PTPRN2: variants seen among roughly 807,000 people sequenced by gnomAD.
The protein encoded by PTPRN2 is protein tyrosine phosphatase receptor type N2.
In PTPRN2, 74 loss-of-function variants were observed where a neutral mutation model predicts 118.8. The ratio of observed to expected loss-of-function variants is 0.62; its 90% CI spans 0.52 to 0.76. PTPRN2 has a LOEUF of 0.76. Ranked by LOEUF, PTPRN2 falls within the 30% of genes least tolerant of loss-of-function variation. PTPRN2 has a pLI of 0.00. For synonymous variants in PTPRN2, 641 were observed against 608.0 expected, an observed-to-expected ratio of 1.05 and a Z score of -0.80; for missense variants, 1,481 against 1,394.4, an observed-to-expected ratio of 1.06 and a Z score of -0.99.
chr7:157,961,790 A>C (rs7801805), intron 11 of PTPRN2, among the ~76,000 whole-genome samples: 38,396 of 152,210 alleles, frequency 0.25, 5,099 homozygotes, highest in Middle Eastern at 0.33. Flanking sequence ...AAGGCACTAA[A>C]CACATGTGTC....
At position 157,831,177 on chromosome 7, in the gene PTPRN2, C is replaced by T. The variant is rs1807536999; in HGVS notation, c.1788+67496G>A. ...GGAAGAGGGACTCCTTGCTGTGAGC[C>T]CAGCTGTGGGGAGGAACTGCTCGGG... On this transcript the variant is annotated intron_variant, in intron 12 of 22. Coordinates refer to ENST00000389418, the MANE Select transcript of PTPRN2 (RefSeq NM_002847.5). The surrounding 1 kb of genome is among the most constrained non-coding windows in gnomAD (Gnocchi z 4.8). 6.6e-6 allele frequency among the ~76,000 whole-genome samples: 1 copy of T among 152,130 alleles called. No homozygotes were observed. Among genetic ancestry groups the T allele is most frequent in the Admixed American group, 6.5e-5 (1 of 15,282 alleles).
chr7:158,445,582 G>A (rs773728295), intron 2 of PTPRN2, among the ~76,000 whole-genome samples: 1 of 152,196 alleles, frequency 6.6e-6, no homozygotes, highest in African/African-American at 2.4e-5. Flanking sequence ...CCCACCCCTC[G>A]CCTCTGCCCC....
intron 3 of PTPRN2, among the ~76,000 whole-genome samples, chr7:158,272,950 GT>G (rs1041724515): frequency 1.3e-5 from 2 of 152,190 alleles, no homozygotes; most frequent in African/African-American, 4.8e-5. Flanking sequence ...CAGTCCCACG[GT>G]TTGGGACTCT....
chr7:157,717,461 C>A (rs1302106848), intron 12 of PTPRN2, among the ~76,000 whole-genome samples: 3 of 152,268 alleles, frequency 2.0e-5, no homozygotes, highest in Non-Finnish European at 2.9e-5. Context: ...CTGACTTAGT[C>A]AAAGGCTAAG....
intron 12 of PTPRN2, among the ~76,000 whole-genome samples, chr7:157,840,473 C>T (rs560824847): frequency 1.3e-5 from 2 of 149,932 alleles, no homozygotes; most frequent in South Asian, 4.3e-4. Context: ...ACTGTGTGGC[C>T]ACGTGTGACT....
chr7:158,264,298 C>T (rs1402069168), intron 3 of PTPRN2, among the ~76,000 whole-genome samples: 2 of 152,188 alleles, frequency 1.3e-5, no homozygotes, highest in South Asian at 2.1e-4. Context: ...TGCACTGAGA[C>T]GCTGGCACAC....
chr7:158,512,477 G>T (rs1226561768), intron 1 of PTPRN2, among the ~76,000 whole-genome samples: 2 of 152,006 alleles, frequency 1.3e-5, no homozygotes, highest in East Asian at 3.9e-4. Flanking sequence ...AGATACAGAT[G>T]GTAACAGAAA....
At chr7:158,558,416 AG>A in intron 1 of PTPRN2, among the ~76,000 whole-genome samples, 1 of 152,310 alleles carries the variant, frequency 6.6e-6, no homozygotes, top group Non-Finnish European at 1.5e-5. Context: ...CTGAGGCCGC[AG>A]GGTGCAGCTT....
intron 1 of PTPRN2, among the ~76,000 whole-genome samples, chr7:158,497,526 G>T (rs966976795): frequency 6.6e-6 from 1 of 152,086 alleles, no homozygotes; most frequent in South Asian, 2.1e-4. Context: ...GCAGAGGAGG[G>T]TCCACAGCCA....
chr7:158,155,947 T>C (rs75759217), intron 6 of PTPRN2, among the ~76,000 whole-genome samples: 159 of 152,314 alleles, frequency 1.0e-3, no homozygotes, highest in African/African-American at 3.8e-3. Context: ...AGGAGCTCAT[T>C]ATCGCATTCT....
rs112817323 is a variant in PTPRN2 at position 158,386,137 on chromosome 7, C to A, written c.164-69205G>T. Among the ~76,000 whole-genome samples the A allele has an allele frequency of 7.8e-4, 99 of 126,214 alleles. 13 individuals carry two copies. The highest frequency in any genetic ancestry group is 4.2e-3 in the African/African-American group (93 of 22,104). The allele number at this position is 126,214 out of a possible 152,430, so 82.8% of individuals were successfully genotyped here. On this transcript the variant is annotated intron_variant, in intron 2 of 22. Coordinates refer to ENST00000389418, the MANE Select transcript of PTPRN2 (RefSeq NM_002847.5). ...GCCCAGAGTCCCTCCTCCCATGCCC[C>A]AAGTCCCTCCTCCCATGCCCTGAGT... is the stretch of plus-strand genomic sequence containing the variant.
chr7:158,326,544 C>A (rs978248739), intron 2 of PTPRN2, among the ~76,000 whole-genome samples: 1 of 152,260 alleles, frequency 6.6e-6, no homozygotes, highest in African/African-American at 2.4e-5. Context: ...TGCAGACACA[C>A]AACCACATAA....
chr7:158,157,304 C>G (rs537446743), intron 6 of PTPRN2, among the ~76,000 whole-genome samples: 1 of 150,550 alleles, frequency 6.6e-6, no homozygotes, highest in South Asian at 2.1e-4. Context: ...CCTAGTCAGA[C>G]AGAGGCAAAT....
intron 3 of PTPRN2, among the ~76,000 whole-genome samples, chr7:158,254,950 G>T (rs1000791229): frequency 9.2e-5 from 14 of 152,370 alleles, no homozygotes; most frequent in African/African-American, 3.4e-4. Context: ...AAATCCCGAG[G>T]CATGGCCCAG....
chr7:157,776,183 T>C, intron 12 of PTPRN2, among the ~76,000 whole-genome samples: 1 of 122,290 alleles, frequency 8.2e-6, no homozygotes, highest in African/African-American at 3.2e-5. Flanking sequence ...TCCTTCTCCC[T>C]CTCCTTCACT....
chr7:158,277,032 A>G (rs1027608057), intron 3 of PTPRN2, among the ~76,000 whole-genome samples: 1 of 152,200 alleles, frequency 6.6e-6, no homozygotes, highest in African/African-American at 2.4e-5. Flanking sequence ...GGACCCTGCA[A>G]GATCCCCACG....
At position 158,307,372 on chromosome 7, in the gene PTPRN2, G is replaced by A. The variant is rs116019386; in HGVS notation, c.277+9447C>T. On this transcript the variant is annotated intron_variant, in intron 3 of 22. Transcript: ENST00000389418. The stretch of plus-strand genomic sequence containing the variant: ...AAAGAATCAGCAAACTTCAGGATAG[G>A]TCAACTGAAATTATCCAGTCTGAGG... 7.7e-3 allele frequency among the ~76,000 whole-genome samples: 1,166 copies of A among 151,990 alleles called. 20 individuals are homozygous for A. The highest frequency in any genetic ancestry group is 0.026 in the African/African-American group (1,081 of 41,444).
intron 21 of PTPRN2, among the ~76,000 whole-genome samples, chr7:157,565,396 A>C (rs533229824): frequency 6.6e-6 from 1 of 152,248 alleles, no homozygotes; most frequent in Non-Finnish European, 1.5e-5. Context: ...GAAATGAGTC[A>C]CCCCAGACTC....
intron 2 of PTPRN2, among the ~76,000 whole-genome samples, chr7:158,346,426 G>A (rs1453164429): frequency 2.0e-5 from 3 of 152,196 alleles, no homozygotes; most frequent in Non-Finnish European, 2.9e-5. Context: ...TCAGCGTAAT[G>A]CTTTCCAATT....
Sources: allele counts gnomAD v4.1 joint callset (sites outside exome capture counted in the v4.1 genomes callset), GRCh38; gene constraint gnomAD v4.1.1; non-coding constraint Gnocchi (gnomAD v3.1); transcripts MANE v1.5; gene names NCBI Gene and HGNC (gene_info 2026-07-23, HGNC 2026-07-21).